Variants in RUSF1 observed in about 807,000 individuals in gnomAD.
The protein encoded by RUSF1 is RUS family member 1.
RUSF1 carries 58 observed loss-of-function variants against 63.0 expected under a neutral mutation model. The ratio of observed to expected loss-of-function variants is 0.92; its 90% confidence interval spans 0.75 to 1.15. The LOEUF (loss-of-function observed/expected upper bound fraction) is 1.15, where lower values mean the gene tolerates loss of function less well. Among genes scored for constraint, RUSF1 ranks in the 50% most tolerant of loss-of-function variants. The pLI, the probability that RUSF1 is intolerant of heterozygous loss-of-function variation, is 0.00. For missense variants in RUSF1, 652 were observed against 611.0 expected (o/e 1.07, Z -0.71); for synonymous variants, 274 against 255.8 (o/e 1.07, Z -0.68).
Position 31,490,827 on chromosome 16 carries a change from T to C in RUSF1, c.*8A>G. ...CCTGCCCTGGGCTTGGGCCTCCGTC[T>C]GGGCTGCTCACAAGACCTTCTTTTC... is the stretch of plus-strand genomic sequence containing the variant. On this transcript the variant is annotated 3_prime_UTR_variant, in exon 13 of 13. Coordinates refer to ENST00000327237, the MANE Select transcript of RUSF1 (RefSeq NM_022744.4). 1 of 1,614,142 alleles carries C rather than the reference T, an allele frequency of 6.2e-7. No individual in the cohort carries two copies. The highest frequency in any genetic ancestry group is 8.5e-7 in the Non-Finnish European group (1 of 1,179,968).
chr16:31,498,277 C>G (rs1382867271), intron 5 of RUSF1, among the ~76,000 whole-genome samples: 1 of 152,110 alleles, frequency 6.6e-6, no homozygotes, highest in African/African-American at 2.4e-5. Context: ...ACTGAAGTCT[C>G]AAAGGCAGAG....
chr16:31,494,733 C>A (rs1029080218), intron 6 of RUSF1, among the ~76,000 whole-genome samples: 1 of 150,556 alleles, frequency 6.6e-6, no homozygotes, highest in African/African-American at 2.4e-5. Context: ...TTTTAAAGAG[C>A]GAGGGTCTCG....
chr16:31,508,181 C>A lies in RUSF1; in HGVS notation c.193G>T (p.Ala65Ser), dbSNP rs750800627. The A allele has an allele frequency of 6.4e-7, 1 of 1,569,916 alleles. No homozygotes were observed. Among genetic ancestry groups the A allele is most frequent in the Non-Finnish European group, 8.6e-7 (1 of 1,158,652 alleles). The part of the protein sequence containing the change: ...RDAGEVGASG[A>S]PSPPLSGLQA... ...AGCCCGGAGAGGGGCGGTGAGGGGG[C>A]CCCGGAAGCCCCCACTTCGCCCGCA... The change falls in exon 1 of 13, where the codon GCC becomes TCC. Residue 65 changes from alanine (A) to serine (S), a missense_variant. Physicochemically the swap from Ala to Ser is moderately conservative, Grantham distance 99. Coordinates refer to ENST00000327237, the MANE Select transcript of RUSF1 (RefSeq NM_022744.4).
chr16:31,496,957 G>A lies in RUSF1; in HGVS notation c.601-7C>T, dbSNP rs1456354743. ...CAGCAACACTCACGATGCACTGGGTGGGAGGGGAAGAGAGAAGGTTGGCAG... is the reference window on the plus strand; with the variant it reads ...CAGCAACACTCACGATGCACTGGGTAGGAGGGGAAGAGAGAAGGTTGGCAG... On this transcript the variant is annotated splice_region_variant and splice_polypyrimidine_tract_variant and intron_variant, in intron 5 of 12. Transcript: ENST00000327237. 4 of 1,594,720 alleles carry A rather than the reference G, an allele frequency of 2.5e-6. No individual in the cohort carries two copies. The highest frequency in any genetic ancestry group is 3.4e-6 in the Non-Finnish European group (4 of 1,171,436).
At chr16:31,494,194 G>A (rs139235615) in intron 6 of RUSF1, among the ~76,000 whole-genome samples, 22 of 152,112 alleles carry the variant, frequency 1.4e-4, no homozygotes, top group African/African-American at 5.1e-4. Context: ...AGACCAGCTT[G>A]GGCAACATAG....
chr16:31,495,846 G>A (rs1736869051), intron 6 of RUSF1, among the ~76,000 whole-genome samples: 1 of 152,164 alleles, frequency 6.6e-6, no homozygotes, highest in Admixed American at 6.5e-5. Flanking sequence ...AATTTAAAGA[G>A]TTCCCAGAAC....
chr16:31,507,966 G>A (rs980757092), intron 1 of RUSF1, 88 bp from the exon 2 acceptor site: 23 of 1,531,136 alleles, frequency 1.5e-5, no homozygotes, highest in South Asian at 2.4e-5. Context: ...TGGTGTATGA[G>A]GCATGTCAGA....
At chr16:31,504,754 TAAG>T (rs2082649836) in intron 2 of RUSF1, among the ~76,000 whole-genome samples, 2 of 152,156 alleles carry the variant, frequency 1.3e-5, no homozygotes, top group Non-Finnish European at 2.9e-5. Flanking sequence ...GAGGAGGACA[TAAG>T]AAACTCCATT....
chr16:31,507,907 G>A (rs2082669220), intron 1 of RUSF1, 29 bp from the exon 2 acceptor site: 10 of 1,549,586 alleles, frequency 6.5e-6, no homozygotes, highest in Non-Finnish European at 8.7e-6. Flanking sequence ...AGGGTGAGAA[G>A]CGGGCGTAGG....
At chr16:31,507,908 C>G in intron 1 of RUSF1, 30 bp from the exon 2 acceptor site, 2 of 1,549,286 alleles carry the variant, frequency 1.3e-6, no homozygotes, top group Non-Finnish European at 1.7e-6. Context: ...GGGTGAGAAG[C>G]GGGCGTAGGA....
At chr16:31,493,202 C>T (rs1302600963) in intron 9 of RUSF1, 154 bp from the exon 10 acceptor site, 1 of 899,360 alleles carries the variant, frequency 1.1e-6, no homozygotes, top group South Asian at 1.4e-5. Flanking sequence ...CCATACACAC[C>T]AAATCCATCC....
At position 31,489,872 on chromosome 16, in the gene RUSF1, G is replaced by C; in HGVS notation, c.*963C>G. On this transcript the variant is annotated 3_prime_UTR_variant, in exon 13 of 13. Transcript: ENST00000327237. ...GTGTAGACAGACCTGAGCTGACAAA[G>C]CTGGGGGAGCAAGGCCAACGGCTTT... The C allele has an allele frequency of 3.5e-6, 2 of 564,630 alleles. No homozygotes were observed. The highest frequency in any genetic ancestry group is 3.7e-5 in the South Asian group (2 of 54,182). The allele number at this position is 564,630 out of a possible 1,614,324, so 35.0% of individuals were successfully genotyped here.
chr16:31,507,282 T>C (rs1853291319), intron 2 of RUSF1, among the ~76,000 whole-genome samples: 1 of 152,216 alleles, frequency 6.6e-6, no homozygotes, highest in African/African-American at 2.4e-5. Flanking sequence ...GCTGTACATA[T>C]TCAGCAGATA....
In RUSF1 at chr16:31,508,268, C is replaced by A. The variant is rs1408277605; in HGVS notation, c.106G>T (p.Val36Phe). 2 of 1,568,632 alleles carry A rather than the reference C, an allele frequency of 1.3e-6. No individual in the cohort carries two copies. The highest frequency in any genetic ancestry group is 1.9e-5 in the Admixed American group (1 of 53,826). Residue 36 changes from valine to phenylalanine, a missense_variant, in exon 1 of 13, where the codon GTC (valine) becomes TTC (phenylalanine). Val to Phe is a conservative substitution (Grantham distance 50). Transcript: ENST00000327237. ...AGCCCCCACCAGCGCCAGCCCCCGA[C>A]CTCCCACTGCAGGCTCCCGTCCGCG... The part of the protein sequence containing the change: ...AAADGSLQWE[V>F]GGWRWWGLSR...
chr16:31,508,011 C>A (rs1952504523), intron 1 of RUSF1, 63 bp downstream of exon 1: 2 of 1,549,818 alleles, frequency 1.3e-6, no homozygotes, highest in East Asian at 2.4e-5. Flanking sequence ...CTCAGTCACC[C>A]GTCCATTATT....
rs1035324898 is a variant in RUSF1 at position 31,489,717 on chromosome 16, C to T, written c.*1118G>A. 18 of 450,886 alleles carry T rather than the reference C, an allele frequency of 4.0e-5. No homozygotes were observed. Among genetic ancestry groups the T allele is most frequent in the Non-Finnish European group, 7.0e-5 (17 of 243,226 alleles). The allele number at this position is 450,886 out of a possible 1,614,324, so 27.9% of individuals were successfully genotyped here. A position where few individuals can be genotyped will look rare whatever the true frequency, so the allele number is the denominator to read the frequency against. On this transcript the variant is annotated 3_prime_UTR_variant, in exon 13 of 13. Coordinates refer to ENST00000327237, the MANE Select transcript of RUSF1 (RefSeq NM_022744.4). ...TGATGGTGGCAGGGTGGGGTGAGGA[C>T]AGGACAAGAGATCTGGGTGTGGAAG...
At chr16:31,499,591 G>A in intron 3 of RUSF1, 66 bp from the exon 4 acceptor site, 2 of 1,468,964 alleles carry the variant, frequency 1.4e-6, no homozygotes. Context: ...GGCAGTGTGG[G>A]GAGTCTTGGA....
At chr16:31,502,419 A>G (rs1036887633) in intron 2 of RUSF1, among the ~76,000 whole-genome samples, 1 of 152,194 alleles carries the variant, frequency 6.6e-6, no homozygotes, top group East Asian at 1.9e-4. Context: ...GTGCTTTTTC[A>G]TCTTCACAAT....
chr16:31,491,728 C>A (rs535622478), intron 12 of RUSF1, among the ~76,000 whole-genome samples: 5 of 151,908 alleles, frequency 3.3e-5, no homozygotes, highest in African/African-American at 1.2e-4. Flanking sequence ...CCTCCCACCT[C>A]AGCCTCCTGA....
Sources: gnomAD v4.1 joint callset for allele counts (sites outside exome capture counted in the v4.1 genomes callset) on GRCh38, gnomAD v4.1.1 for gene constraint, MANE v1.5 for transcripts, NCBI Gene and HGNC (gene_info 2026-07-23, HGNC 2026-07-21) for gene names.